The following LINGO2 variants were observed in gnomAD, a reference collection of about 807,000 sequenced individuals.
LINGO2 encodes the protein leucine rich repeat and Ig domain containing 2.
Under a neutral mutation model 30.6 loss-of-function variants are expected in LINGO2, and 14 were observed. The observed-to-expected ratio is 0.46, with a 90% CI of 0.30 to 0.72. The LOEUF is 0.72. Among genes scored for constraint, LINGO2 ranks in the 30% least tolerant of loss-of-function variants. The pLI is 0.07. For missense variants in LINGO2, 729 were observed against 751.7 expected (o/e 0.97, Z 0.35); for synonymous variants, 317 against 288.5 (o/e 1.10, Z -1.00).
chr9:28,847,269 T>C, the LINGO2 span, among the ~76,000 whole-genome samples: 2 of 147,980 alleles, frequency 1.4e-5, 1 homozygote, highest in South Asian at 4.3e-4. Flanking sequence ...ATCTTTATTA[T>C]CAATATTATA....
the LINGO2 span, among the ~76,000 whole-genome samples, chr9:28,859,738 A>T: frequency 6.6e-6 from 1 of 152,004 alleles, no homozygotes; most frequent in Non-Finnish European, 1.5e-5. Flanking sequence ...CTTCAAATCA[A>T]TTTTTAAAAA....
At chr9:28,716,565 A>G in the LINGO2 span, among the ~76,000 whole-genome samples, 50,702 of 151,798 alleles carry the variant, frequency 0.33, 9,019 homozygotes, top group Admixed American at 0.46. Flanking sequence ...CTTTAAAGCA[A>G]GAGCAAAGAA....
chr9:28,117,358 CT>C (rs1826944421), intron 4 of LINGO2, among the ~76,000 whole-genome samples: 1 of 133,424 alleles, frequency 7.5e-6, no homozygotes, highest in African/African-American at 2.8e-5. Context: ...TTACTGCTGT[CT>C]TTTTGTTTGT....
upstream of LINGO2, among the ~76,000 whole-genome samples, chr9:28,672,205 G>A (rs1354154758): frequency 2.0e-5 from 3 of 152,046 alleles, no homozygotes; most frequent in Non-Finnish European, 4.4e-5. Context: ...AGAATAGTAG[G>A]ACACTAGGCA....
intron 3 of LINGO2, among the ~76,000 whole-genome samples, chr9:28,347,383 C>T (rs1819627960): frequency 1.3e-5 from 2 of 152,054 alleles, no homozygotes; most frequent in South Asian, 4.1e-4. Flanking sequence ...TGTAGCTCAA[C>T]CCTCCTAATA....
At chr9:28,450,560 A>G (rs1320323961) in intron 2 of LINGO2, among the ~76,000 whole-genome samples, 1 of 152,030 alleles carries the variant, frequency 6.6e-6, no homozygotes, top group Non-Finnish European at 1.5e-5. Context: ...GGCTCAGAAA[A>G]TGACCAAATA....
chr9:28,045,210 T>TA (rs1824364718), intron 4 of LINGO2, among the ~76,000 whole-genome samples: 1 of 152,014 alleles, frequency 6.6e-6, no homozygotes, highest in Admixed American at 6.6e-5. Context: ...GATTGTCTTG[T>TA]AAAGAAACAG....
chr9:28,652,717 A>G (rs1828160296), intron 1 of LINGO2, among the ~76,000 whole-genome samples: 1 of 152,000 alleles, frequency 6.6e-6, no homozygotes, highest in Non-Finnish European at 1.5e-5. Context: ...CCAGAAAAAA[A>G]AAGGAAAAAA....
chr9:28,922,229 G>C, the LINGO2 span, among the ~76,000 whole-genome samples: 2 of 152,154 alleles, frequency 1.3e-5, no homozygotes, highest in African/African-American at 4.8e-5. Flanking sequence ...TATCTGAGTA[G>C]GTAACACACT....
At chr9:29,011,397 T>A in the LINGO2 span, among the ~76,000 whole-genome samples, 2 of 74,646 alleles carry the variant, frequency 2.7e-5, no homozygotes, top group African/African-American at 7.9e-5. Context: ...TGAATTGACA[T>A]CCTTACTTTC....
chr9:28,952,254 A>C, the LINGO2 span, among the ~76,000 whole-genome samples: 1 of 152,142 alleles, frequency 6.6e-6, no homozygotes, highest in African/African-American at 2.4e-5. Flanking sequence ...TTCAATATCT[A>C]TCTATCTAAA....
At chr9:28,119,932 C>T (rs1563986044) in intron 4 of LINGO2, among the ~76,000 whole-genome samples, 1 of 152,052 alleles carries the variant, frequency 6.6e-6, no homozygotes, top group African/African-American at 2.4e-5. Flanking sequence ...CAGGTCAGAC[C>T]ACAGGTTAAA....
intron 4 of LINGO2, among the ~76,000 whole-genome samples, chr9:28,107,702 G>A (rs1826637918): frequency 6.6e-6 from 1 of 152,094 alleles, no homozygotes; most frequent in Non-Finnish European, 1.5e-5. Flanking sequence ...AGCAAAAAGG[G>A]CCAGTGGTAA....
chr9:28,994,178 T>A, the LINGO2 span, among the ~76,000 whole-genome samples: 40 of 152,248 alleles, frequency 2.6e-4, no homozygotes, highest in Admixed American at 1.4e-3. Context: ...AGTCTCAGGA[T>A]ACAACATCAA....
chr9:28,112,043 A>G (rs13299165), intron 4 of LINGO2, among the ~76,000 whole-genome samples: 12 of 110,678 alleles, frequency 1.1e-4, no homozygotes, highest in East Asian at 8.9e-4. Flanking sequence ...ATATCTCCCA[A>G]TGCTATCCCT....
intron 4 of LINGO2, among the ~76,000 whole-genome samples, chr9:28,237,829 G>T (rs929440139): frequency 2.0e-5 from 3 of 152,006 alleles, no homozygotes; most frequent in African/African-American, 7.2e-5. Context: ...ACTCCAGCCT[G>T]GGCAACAGAG....
the LINGO2 span, among the ~76,000 whole-genome samples, chr9:29,169,587 C>T: frequency 6.6e-6 from 1 of 152,154 alleles, no homozygotes; most frequent in African/African-American, 2.4e-5. Flanking sequence ...AAGATACTAT[C>T]TCACACCAGT....
At chr9:28,149,991 G>A (rs536643596) in intron 4 of LINGO2, among the ~76,000 whole-genome samples, 16 of 138,728 alleles carry the variant, frequency 1.2e-4, no homozygotes, top group East Asian at 4.4e-4. Flanking sequence ...CTGCCTTGCC[G>A]CTGTCCTGTC....
chr9:28,460,624 T>C (rs1458475767), intron 2 of LINGO2, among the ~76,000 whole-genome samples: 4 of 152,140 alleles, frequency 2.6e-5, no homozygotes, highest in African/African-American at 9.7e-5. Context: ...ATCTTCCTGG[T>C]GTGTAATCAG....
Sources: gnomAD v4.1 joint callset for allele counts (sites outside exome capture counted in the v4.1 genomes callset) on GRCh38, gnomAD v4.1.1 for gene constraint, MANE v1.5 for transcripts, NCBI Gene and HGNC (gene_info 2026-07-23, HGNC 2026-07-21) for gene names.